LSM8: variants seen among roughly 807,000 people sequenced by gnomAD.
LSM8 encodes the protein LSM8 homolog, U6 small nuclear RNA associated, also known as LSM8 U6 small nuclear RNA associated.
Under a neutral mutation model 15.0 loss-of-function variants are expected in LSM8, and 14 were observed. That is an observed-to-expected ratio of 0.93 (90% CI 0.62 to 1.46). The LOEUF (loss-of-function observed/expected upper bound fraction) is 1.46. Among genes scored for constraint, LSM8 ranks in the 40% most tolerant of loss-of-function variants. The probability of loss-of-function intolerance (pLI) is 0.00; values close to 1 mark genes in which losing one functional copy is unlikely to be tolerated. For missense variants in LSM8, 90 were observed against 115.4 expected (o/e 0.78, Z 1.01); for synonymous variants, 50 against 42.1 (o/e 1.19, Z -0.73).
rs1361581456 is a variant in LSM8 at position 118,198,817 on chromosome 7, TG to T, written c.*6818del. Among the ~76,000 whole-genome samples the T allele has an allele frequency of 2.0e-5, 3 of 152,192 alleles. No homozygotes were observed. Among genetic ancestry groups the T allele is most frequent in the Non-Finnish European group, 4.4e-5 (3 of 68,028 alleles). ...CCTGGAAGAAAATCTCTTGAGTCCT[TG>T]GGATGTCTTACCTGTTAAGAGTGCT... On this transcript the variant is annotated 3_prime_UTR_variant, in exon 4 of 4. Transcript: ENST00000249299.
At chr7:118,185,406 T>C (rs1331477212) in intron 1 of LSM8, 1 of 411,388 alleles carries the variant, frequency 2.4e-6, no homozygotes, top group Non-Finnish European at 4.4e-6. Flanking sequence ...GCTGGGACTA[T>C]AGGTCACCAG....
At chr7:118,184,799 T>C (rs1388177776) in intron 1 of LSM8, 1 of 152,214 alleles carries the variant, frequency 6.6e-6, no homozygotes, top group African/African-American at 2.4e-5. Context: ...CCATGGGAAG[T>C]CTTAAAATAG....
At position 118,199,147 on chromosome 7, in the gene LSM8, C is replaced by T. The variant is rs9656260; in HGVS notation, c.*7145C>T. Among the ~76,000 whole-genome samples the T allele has an allele frequency of 0.7, 105,751 of 152,026 alleles. 36,985 individuals carry two copies. The highest frequency in any genetic ancestry group is 0.82 in the South Asian group (3,937 of 4,824). ...ATTTACTGATTTTAATCTATATCCT[C>T]TCACTATAATCTGCAACTGGGAGCA... On this transcript the variant is annotated 3_prime_UTR_variant, in exon 4 of 4. Transcript: ENST00000249299.
chr7:118,191,931 G>C lies in LSM8; in HGVS notation c.220G>C (p.Asp74His). The change falls in exon 4 of 4, where the codon GAT (aspartate) becomes CAT (histidine). Residue 74 changes from aspartate (D) to histidine (H), a missense_variant. Coordinates refer to ENST00000249299, the MANE Select transcript of LSM8 (RefSeq NM_016200.5). ...GDNVAVIGEI[D>H]EETDSALDLG... ...TTTTAGTGCAGTCATTGGAGAAATCGATGAAGAAACAGATTCTGCGCTTGA... is the reference window on the plus strand; with the variant it reads ...TTTTAGTGCAGTCATTGGAGAAATCCATGAAGAAACAGATTCTGCGCTTGA... 1 of 1,612,376 alleles carries C rather than the reference G, an allele frequency of 6.2e-7. No individual in the cohort carries two copies. The highest frequency in any genetic ancestry group is 8.5e-7 in the Non-Finnish European group (1 of 1,178,988).
Position 118,199,944 on chromosome 7 carries a change from C to A in LSM8, c.*7942C>A, listed in dbSNP as rs1045033327. Among the ~76,000 whole-genome samples, 2 of 151,924 alleles carry A rather than the reference C, an allele frequency of 1.3e-5. No individual in the cohort carries two copies. Among genetic ancestry groups the A allele is most frequent in the African/African-American group, 4.8e-5 (2 of 41,306 alleles). On this transcript the variant is annotated 3_prime_UTR_variant, in exon 4 of 4. Transcript: ENST00000249299. ...TAGGCATTTTGCTCATAGCTTAGGG[C>A]AAGTGATAAAAAACAGAGCTTAACA...
chr7:118,185,602 CTGT>C, intron 1 of LSM8, 49 bp from the exon 2 acceptor site: 3 of 1,463,618 alleles, frequency 2.0e-6, no homozygotes, highest in Non-Finnish European at 2.9e-6. Context: ...TTGCCAGAGT[CTGT>C]TTTCAATTTG....
At position 118,188,260 on chromosome 7, in the gene LSM8, T is replaced by C; in HGVS notation, c.73-18T>C. 1 of 1,611,650 alleles carries C rather than the reference T, an allele frequency of 6.2e-7. No homozygotes were observed. The highest frequency in any genetic ancestry group is 8.5e-7 in the Non-Finnish European group (1 of 1,178,118). On this transcript the variant is annotated intron_variant, in intron 2 of 3. Transcript: ENST00000249299. ...AACCAGAATATTTCTCTTTTTCTCCTGAATATTTTCTTTACAGGGAACACT... is the reference window on the plus strand; with the variant it reads ...AACCAGAATATTTCTCTTTTTCTCCCGAATATTTTCTTTACAGGGAACACT...
chr7:118,192,146 C>A lies in LSM8; in HGVS notation c.*144C>A. ...TAATATGTAAATTAAAATATTTCTA[C>A]ATTTTATTGAAAAAAAAACCTTTTT... On this transcript the variant is annotated 3_prime_UTR_variant, in exon 4 of 4. Coordinates refer to ENST00000249299, the MANE Select transcript of LSM8 (RefSeq NM_016200.5). 6 of 476,344 alleles carry A rather than the reference C, an allele frequency of 1.3e-5. No homozygotes were observed. Among genetic ancestry groups the A allele is most frequent in the Admixed American group, 4.3e-5 (1 of 23,060 alleles). The allele number at this position is 476,344 out of a possible 1,614,324, so 29.5% of individuals were successfully genotyped here.
chr7:118,194,709 G>T lies in LSM8; in HGVS notation c.*2707G>T, dbSNP rs7796145. Among the ~76,000 whole-genome samples, 110,046 of 151,502 alleles carry T rather than the reference G, an allele frequency of 0.73. 40,260 individuals carry two copies. The highest frequency in any genetic ancestry group is 0.85 in the South Asian group (4,069 of 4,808). ...TCATCATGGGAATGAGAAAGTAAAG[G>T]CCCTTTGTAATGGCATGTGAACCAG... On this transcript the variant is annotated 3_prime_UTR_variant, in exon 4 of 4. Transcript: ENST00000249299.
In LSM8 at chr7:118,199,597, G is replaced by T. The variant is rs1025452062; in HGVS notation, c.*7595G>T. Among the ~76,000 whole-genome samples the T allele has an allele frequency of 1.3e-4, 20 of 152,244 alleles. No homozygotes were observed. Among genetic ancestry groups the T allele is most frequent in the Non-Finnish European group, 2.6e-4 (18 of 68,006 alleles). The stretch of plus-strand genomic sequence containing the variant: ...TGGAATGGTGATTCTAACCTTTAAG[G>T]TTGGTGCCATGGAAGGAAAACAAGT... On this transcript the variant is annotated 3_prime_UTR_variant, in exon 4 of 4. Transcript: ENST00000249299.
intron 1 of LSM8, chr7:118,184,957 T>G (rs771848024): frequency 2.0e-5 from 3 of 152,208 alleles, no homozygotes; most frequent in Non-Finnish European, 2.9e-5. Flanking sequence ...TTTCTTTACT[T>G]TTGAATTACA....
rs1028408424 is a variant in LSM8, at chr7:118,195,118, A to G, written c.*3116A>G. ...ATTGTGGGCCGTTTTCATTACAATT[A>G]CCTAAGGTGCTTTAAAAATTTTCTT... On this transcript the variant is annotated 3_prime_UTR_variant, in exon 4 of 4. Coordinates refer to ENST00000249299, the MANE Select transcript of LSM8 (RefSeq NM_016200.5). 4.6e-5 allele frequency among the ~76,000 whole-genome samples: 7 copies of G among 152,152 alleles called. No homozygotes were observed. Among genetic ancestry groups the G allele is most frequent in the Non-Finnish European group, 8.8e-5 (6 of 68,026 alleles).
Position 118,184,310 on chromosome 7 carries a change from C to A in LSM8, c.31+56C>A. On this transcript the variant is annotated intron_variant, in intron 1 of 3. Transcript: ENST00000249299. ...GCCGGGGTCGCGGAGAGGCCGCGGT[C>A]GGGGATCGGTGGGAGGTTGGGAGGC... The A allele has an allele frequency of 2.8e-6, 4 of 1,437,280 alleles. No homozygotes were observed. The South Asian group carries it at 5.6e-5, about 20-fold the overall frequency. The allele number at this position is 1,437,280 out of a possible 1,614,324, so 89.0% of individuals were successfully genotyped here.
Position 118,202,942 on chromosome 7 carries a change from C to T in LSM8, c.*10940C>T, listed in dbSNP as rs1366792676. Among the ~76,000 whole-genome samples the T allele has an allele frequency of 6.6e-6, 1 of 151,946 alleles. No individual in the cohort carries two copies. Among genetic ancestry groups the T allele is most frequent in the African/African-American group, 2.4e-5 (1 of 41,410 alleles). Reference sequence around the variant, plus strand: ...AGCACTGATCTATACTGTCTTTCTACACACTTTTTTACCTTACTTTATCCT... The same window carrying T: ...AGCACTGATCTATACTGTCTTTCTATACACTTTTTTACCTTACTTTATCCT... On this transcript the variant is annotated 3_prime_UTR_variant, in exon 4 of 4. Coordinates refer to ENST00000249299, the MANE Select transcript of LSM8 (RefSeq NM_016200.5).
At chr7:118,184,412 C>T in intron 1 of LSM8, 158 bp downstream of exon 1, 1 of 817,102 alleles carries the variant, frequency 1.2e-6, no homozygotes, top group South Asian at 2.7e-5. Context: ...GGCGGCGCCT[C>T]GAGCCTTCCC....
In LSM8 at chr7:118,195,410, A is replaced by G. The variant is rs1223237355; in HGVS notation, c.*3408A>G. 1.3e-5 allele frequency among the ~76,000 whole-genome samples: 2 copies of G among 152,208 alleles called. No individual in the cohort carries two copies. Among genetic ancestry groups the G allele is most frequent in the African/African-American group, 2.4e-5 (1 of 41,454 alleles). Reference sequence around the variant, plus strand: ...AGGACATAACCGTAAACAGCTATTTAATACTATTCCAGGTAGTCAAAGGCC... The same window carrying G: ...AGGACATAACCGTAAACAGCTATTTGATACTATTCCAGGTAGTCAAAGGCC... On this transcript the variant is annotated 3_prime_UTR_variant, in exon 4 of 4. Coordinates refer to ENST00000249299, the MANE Select transcript of LSM8 (RefSeq NM_016200.5).
At position 118,188,370 on chromosome 7, in the gene LSM8, G is replaced by A. The variant is rs754168670; in HGVS notation, c.165G>A (p.Val55=). The A allele has an allele frequency of 1.9e-6, 3 of 1,613,052 alleles. No homozygotes were observed. The highest frequency in any genetic ancestry group is 2.5e-6 in the Non-Finnish European group (3 of 1,179,138). Residue 55 remains valine, a synonymous_variant, in exon 3 of 4, where the codon GTG becomes GTA. Transcript: ENST00000249299. The part of the protein sequence containing the change: ...VFSSSQGVEQ[V]VLGLYIVRGD... ...GCTCTTCACAGGGGGTAGAACAAGT[G>A]GTACTAGGATTATACATTGTAAGAG... is the stretch of plus-strand genomic sequence containing the variant.
At chr7:118,187,267 G>C (rs1015503083) in intron 2 of LSM8, among the ~76,000 whole-genome samples, 3 of 152,030 alleles carry the variant, frequency 2.0e-5, no homozygotes, top group African/African-American at 7.2e-5. Flanking sequence ...AACTTGAGAG[G>C]TTTAACCATC....
Position 118,202,981 on chromosome 7 carries a change from G to A in LSM8, c.*10979G>A, listed in dbSNP as rs996528202. Reference sequence around the variant, plus strand: ...TTACTTTATCCTTCAGGATTCTGGCGTCAAGTCCCTCCCTATCAGTCTTTA... The same window carrying A: ...TTACTTTATCCTTCAGGATTCTGGCATCAAGTCCCTCCCTATCAGTCTTTA... On this transcript the variant is annotated 3_prime_UTR_variant, in exon 4 of 4. Coordinates refer to ENST00000249299, the MANE Select transcript of LSM8 (RefSeq NM_016200.5). 5.3e-5 allele frequency among the ~76,000 whole-genome samples: 8 copies of A among 151,854 alleles called. No homozygotes were observed. Among genetic ancestry groups the A allele is most frequent in the East Asian group, 1.9e-4 (1 of 5,196 alleles).
Sources: allele counts gnomAD v4.1 joint callset (sites outside exome capture counted in the v4.1 genomes callset), GRCh38; gene constraint gnomAD v4.1.1; transcripts MANE v1.5; gene names NCBI Gene and HGNC (gene_info 2026-07-23, HGNC 2026-07-21).